Variants in TFAP2B observed in about 807,000 individuals in gnomAD.
TFAP2B encodes transcription factor AP-2-beta.
Under a neutral mutation model 44.3 loss-of-function variants are expected in TFAP2B, and 9 were observed. That is an observed-to-expected ratio of 0.20 (90% confidence interval 0.12 to 0.35). The LOEUF is 0.35. TFAP2B is among the 10% of genes least tolerant of loss of function. The probability of loss-of-function intolerance (pLI) is 1.00; values close to 1 mark genes in which losing one functional copy is unlikely to be tolerated. For synonymous variants in TFAP2B, 270 were observed against 263.8 expected (o/e 1.02, Z -0.23); for missense variants, 509 against 600.0 (o/e 0.85, Z 1.59).
Position 50,846,524 on chromosome 6 carries a change from C to T in TFAP2B, c.*3132C>T, listed in dbSNP as rs1762854248. On this transcript the variant is annotated 3_prime_UTR_variant, in exon 7 of 7. Coordinates refer to ENST00000393655, the MANE Select transcript of TFAP2B (RefSeq NM_003221.4). ...CCCTGCCCACTCCTAAACGCTCAGT[C>T]CCAAAACAAAATAGCGAAAGACAGG... The T allele has an allele frequency of 6.6e-6, 1 of 152,506 alleles. No homozygotes were observed. Among genetic ancestry groups the T allele is most frequent in the Non-Finnish European group, 1.5e-5 (1 of 68,080 alleles). 9.4% of individuals were successfully genotyped at this position (152,506 alleles called of 1,614,324 possible). A position where few individuals can be genotyped will look rare whatever the true frequency, so the allele number is the denominator to read the frequency against.
intron 1 of TFAP2B, among the ~76,000 whole-genome samples, chr6:50,820,630 T>C (rs192855595): frequency 6.6e-6 from 1 of 152,390 alleles, no homozygotes; most frequent in African/African-American, 2.4e-5. Context: ...CGGTTCGGCC[T>C]CCTTTTCTTT....
intron 1 of TFAP2B, among the ~76,000 whole-genome samples, chr6:50,822,665 A>G (rs958696062): frequency 6.6e-6 from 1 of 152,234 alleles, no homozygotes; most frequent in African/African-American, 2.4e-5. Flanking sequence ...AGATATAGAA[A>G]AACAGTCTTA....
Position 50,823,436 on chromosome 6 carries a change from C to T in TFAP2B, c.111C>T (p.Ser37=). ...GGCACGATGGTGTCCCGAGCCACAG[C>T]TCGCGGCTCTCCCAGCTGGGCTCGG... is the stretch of plus-strand genomic sequence containing the variant. ...EDRHDGVPSH[S]SRLSQLGSVS... Residue 37 remains serine (S), a synonymous_variant, in exon 2 of 7, where the codon AGC becomes AGT. Transcript: ENST00000393655. 1 of 1,605,102 alleles carries T rather than the reference C, an allele frequency of 6.2e-7. No homozygotes were observed. Among genetic ancestry groups the T allele is most frequent in the Non-Finnish European group, 8.5e-7 (1 of 1,176,040 alleles).
rs747403650 is a variant in TFAP2B, at chr6:50,823,445, C to T, written c.120C>T (p.Leu40=). The change falls in exon 2 of 7, where the codon CTC becomes CTT. Residue 40 remains leucine (L), a synonymous_variant. Transcript: ENST00000393655. Reference sequence around the variant, plus strand: ...GTGTCCCGAGCCACAGCTCGCGGCTCTCCCAGCTGGGCTCGGTGTCCCAAG... The same window carrying T: ...GTGTCCCGAGCCACAGCTCGCGGCTTTCCCAGCTGGGCTCGGTGTCCCAAG... The part of the protein sequence containing the change: ...HDGVPSHSSR[L]SQLGSVSQGP... 4 of 1,608,234 alleles carry T rather than the reference C, an allele frequency of 2.5e-6. No individual in the cohort carries two copies. The South Asian group carries it at 3.3e-5, about 13-fold the overall frequency.
In TFAP2B at chr6:50,823,549, A is replaced by G; in HGVS notation, c.224A>G (p.Gln75Arg). Reference sequence around the variant, plus strand: ...CCGCCCTACTTCCCACCCCCCTACCAGCCGCTCCCCTACCACCAGAGCCAG... The same window carrying G: ...CCGCCCTACTTCCCACCCCCCTACCGGCCGCTCCCCTACCACCAGAGCCAG... ...FQPPYFPPPY[Q>R]PLPYHQSQDP... The change falls in exon 2 of 7, where the codon CAG (glutamine) becomes CGG (arginine). Residue 75 changes from glutamine (Q) to arginine (R), a missense_variant. Gln to Arg is a conservative substitution (Grantham distance 43). Around this residue, in one of 3 missense-constraint regions of TFAP2B, gnomAD observed 296 missense variants for 308.2 expected, o/e 0.96. Transcript: ENST00000393655. 2 of 1,607,492 alleles carry G rather than the reference A, an allele frequency of 1.2e-6. No homozygotes were observed. The highest frequency in any genetic ancestry group is 1.7e-6 in the Non-Finnish European group (2 of 1,178,236).
intron 2 of TFAP2B, among the ~76,000 whole-genome samples, chr6:50,825,705 C>A (rs1037145853): frequency 4.6e-5 from 7 of 152,108 alleles, no homozygotes; most frequent in Admixed American, 6.5e-5. Context: ...GTCGGGAATA[C>A]AGACCACAGA....
At chr6:50,831,224 G>A (rs952142776) in intron 3 of TFAP2B, among the ~76,000 whole-genome samples, 11 of 152,178 alleles carry the variant, frequency 7.2e-5, no homozygotes, top group African/African-American at 2.7e-4. Flanking sequence ...AAGTAATTTA[G>A]TTAAGAGGAA....
chr6:50,839,482 A>G (rs1762682646), intron 5 of TFAP2B, among the ~76,000 whole-genome samples: 1 of 152,148 alleles, frequency 6.6e-6, no homozygotes, highest in African/African-American at 2.4e-5. Context: ...GCTTTCACAT[A>G]AGCTGAGTAA....
chr6:50,842,532 T>G (rs1465138835), intron 6 of TFAP2B, among the ~76,000 whole-genome samples: 3 of 152,196 alleles, frequency 2.0e-5, no homozygotes, highest in Non-Finnish European at 4.4e-5. Context: ...CCCCCAATAC[T>G]GCAGGTAAAC....
rs746783037 is a variant in TFAP2B, at chr6:50,818,877, C to A, written c.-15C>A. 1 of 1,612,460 alleles carries A rather than the reference C, an allele frequency of 6.2e-7. No individual in the cohort carries two copies. The highest frequency in any genetic ancestry group is 1.1e-5 in the South Asian group (1 of 91,052). On this transcript the variant is annotated 5_prime_UTR_variant, in exon 1 of 7. It adds an upstream start codon to the 5' untranslated region. Transcript: ENST00000393655. ...AGCGGAGTCCTGAGAAGCCAGACAT[C>A]TGCTCCTCACATGAATGCACTCACC...
chr6:50,820,420 T>G (rs982241153), intron 1 of TFAP2B, among the ~76,000 whole-genome samples: 2 of 151,572 alleles, frequency 1.3e-5, no homozygotes, highest in Non-Finnish European at 2.9e-5. Flanking sequence ...TGTTGGGGTG[T>G]GTGTATGTGT....
At chr6:50,840,332 C>T in intron 6 of TFAP2B, 35 bp downstream of exon 6, 1 of 1,610,838 alleles carries the variant, frequency 6.2e-7, no homozygotes, top group Non-Finnish European at 8.5e-7. Context: ...TCATCTCACT[C>T]CCAGCTGGCT....
intron 3 of TFAP2B, among the ~76,000 whole-genome samples, chr6:50,832,003 G>A (rs1762506675): frequency 2.0e-5 from 3 of 152,252 alleles, no homozygotes; most frequent in Admixed American, 2.0e-4. Flanking sequence ...GACTGGTGTG[G>A]ATTTTCTTTC....
intron 2 of TFAP2B, among the ~76,000 whole-genome samples, chr6:50,825,749 G>A (rs1025019338): frequency 2.0e-5 from 3 of 152,126 alleles, no homozygotes; most frequent in African/African-American, 7.2e-5. Flanking sequence ...GCAGCAGGCA[G>A]CACACCGGAG....
rs924387814 is a variant in TFAP2B at position 50,846,377 on chromosome 6, G to A, written c.*2985G>A. 2.6e-5 allele frequency: 4 copies of A among 152,536 alleles called. No individual in the cohort carries two copies. Among genetic ancestry groups the A allele is most frequent in the African/African-American group, 9.7e-5 (4 of 41,414 alleles). The allele number at this position is 152,536 out of a possible 1,614,324, so 9.4% of individuals were successfully genotyped here. On this transcript the variant is annotated 3_prime_UTR_variant, in exon 7 of 7. Transcript: ENST00000393655. ...TAAATCAATAAACAGTAGGATTAAC[G>A]CAATAGTTTGCCTTTTAAGTCAAGG...
rs1224169164 is a variant in TFAP2B, at chr6:50,844,543, G to A, written c.*1151G>A. 2 of 152,584 alleles carry A rather than the reference G, an allele frequency of 1.3e-5. No individual in the cohort carries two copies. The highest frequency in any genetic ancestry group is 2.9e-5 in the Non-Finnish European group (2 of 68,042). The allele number at this position is 152,584 out of a possible 1,614,324, so 9.5% of individuals were successfully genotyped here. On this transcript the variant is annotated 3_prime_UTR_variant, in exon 7 of 7. Transcript: ENST00000393655. ...GCACTTCTTTAAAGAAGCTCAAAGG[G>A]AATAATTTAGAAAGTGGCCAATATG...
chr6:50,818,658 G>A (rs1260526720), upstream of TFAP2B: 4 of 534,260 alleles, frequency 7.5e-6, no homozygotes, highest in Non-Finnish European at 1.3e-5. Context: ...TGTAAATACG[G>A]GTTTATGATT....
Position 50,843,451 on chromosome 6 carries a change from A to G in TFAP2B, c.*59A>G. Reference sequence around the variant, plus strand: ...AATACAAAAGGAAAAACAGACAAAAATTTAATTTTAGCTTTAAAATATTGG... The same window carrying G: ...AATACAAAAGGAAAAACAGACAAAAGTTTAATTTTAGCTTTAAAATATTGG... On this transcript the variant is annotated 3_prime_UTR_variant, in exon 7 of 7. Coordinates refer to ENST00000393655, the MANE Select transcript of TFAP2B (RefSeq NM_003221.4). The G allele has an allele frequency of 1.3e-6, 2 of 1,521,944 alleles. No individual in the cohort carries two copies. Among genetic ancestry groups the G allele is most frequent in the Middle Eastern group, 1.8e-4 (1 of 5,602 alleles). The allele number at this position is 1,521,944 out of a possible 1,614,324, so 94.3% of individuals were successfully genotyped here.
upstream of TFAP2B, chr6:50,818,769 A>C: frequency 1.2e-6 from 1 of 813,402 alleles, no homozygotes; most frequent in Non-Finnish European, 2.1e-6. Flanking sequence ...TGTTTGAGAC[A>C]ACAGATATAA....
Sources: gnomAD v4.1 joint callset for allele counts (sites outside exome capture counted in the v4.1 genomes callset) on GRCh38, gnomAD v4.1.1 for gene constraint, gnomAD v4.1.1 regional missense constraint, MANE v1.5 for transcripts, NCBI Gene and HGNC (gene_info 2026-07-23, HGNC 2026-07-21) for gene names.